Variants in DSCAM observed in about 807,000 individuals in gnomAD.
DSCAM encodes DS cell adhesion molecule.
DSCAM carries 47 observed loss-of-function variants against 217.7 expected under a neutral mutation model. The observed-to-expected ratio is 0.22, with a 90% confidence interval of 0.17 to 0.28. The LOEUF (loss-of-function observed/expected upper bound fraction) is 0.28, where lower values mean the gene tolerates loss of function less well. Ranked by LOEUF, DSCAM falls within the 10% of genes least tolerant of loss-of-function variation. The pLI is 1.00. For synonymous variants in DSCAM, 1,056 were observed against 1,015.3 expected (o/e 1.04, Z -0.76); for missense variants, 2,080 against 2,618.3 (o/e 0.79, Z 4.49).
At chr21:40,485,335 C>T (rs972362593) in intron 3 of DSCAM, among the ~76,000 whole-genome samples, 5 of 151,172 alleles carry the variant, frequency 3.3e-5, no homozygotes, top group Admixed American at 6.6e-5. Flanking sequence ...CTCCGCCTCC[C>T]AGGTTCACGC....
intron 1 of DSCAM, among the ~76,000 whole-genome samples, chr21:40,719,837 G>A (rs184515350): frequency 3.4e-4 from 52 of 152,302 alleles, no homozygotes; most frequent in Non-Finnish European, 5.1e-4. Context: ...TGGCATCCAA[G>A]GTGCAGGCTA....
At chr21:40,374,514 T>C (rs899772030) in intron 3 of DSCAM, among the ~76,000 whole-genome samples, 1 of 152,216 alleles carries the variant, frequency 6.6e-6, no homozygotes, top group East Asian at 1.9e-4. Context: ...TCTGAGCCAA[T>C]GTCACATGAC....
chr21:40,429,828 G>C (rs1267299461), intron 3 of DSCAM, among the ~76,000 whole-genome samples: 1 of 152,128 alleles, frequency 6.6e-6, no homozygotes, highest in African/African-American at 2.4e-5. Context: ...ACACTTTCTG[G>C]ATTTTTTCTA....
At position 40,467,502 on chromosome 21, in the gene DSCAM, G is replaced by C. The variant is rs192176112; in HGVS notation, c.509-98257C>G. 2.1e-3 allele frequency among the ~76,000 whole-genome samples: 321 copies of C among 152,272 alleles called. 3 individuals carry two copies. Among genetic ancestry groups the C allele is most frequent in the African/African-American group, 6.9e-3 (285 of 41,554 alleles). ...GCTTTCTAAAAGTACGTATTTAGAAGTATGAATGATGGCATAAAATTGACT... is the reference window on the plus strand; with the variant it reads ...GCTTTCTAAAAGTACGTATTTAGAACTATGAATGATGGCATAAAATTGACT... On this transcript the variant is annotated intron_variant, in intron 3 of 32. Coordinates refer to ENST00000400454, the MANE Select transcript of DSCAM (RefSeq NM_001389.5).
In DSCAM at chr21:40,322,817, G is replaced by T. The variant is rs192922458; in HGVS notation, c.1784-10458C>A. On this transcript the variant is annotated intron_variant, in intron 8 of 32. Coordinates refer to ENST00000400454, the MANE Select transcript of DSCAM (RefSeq NM_001389.5). ...TGGGATTACAGGCGTGAGCCACCACGCCCGGCCAGTGGGCGCAAATGAATG... is the reference window on the plus strand; with the variant it reads ...TGGGATTACAGGCGTGAGCCACCACTCCCGGCCAGTGGGCGCAAATGAATG... 2.0e-5 allele frequency among the ~76,000 whole-genome samples: 3 copies of T among 152,180 alleles called. No individual in the cohort carries two copies. The East Asian group carries it at 5.8e-4, about 30-fold the overall frequency.
chr21:40,168,721 C>T (rs141902419), intron 15 of DSCAM, among the ~76,000 whole-genome samples: 1 of 152,202 alleles, frequency 6.6e-6, no homozygotes, highest in African/African-American at 2.4e-5. Context: ...TGGGGAAGCG[C>T]ATGACTAAGG....
intron 11 of DSCAM, among the ~76,000 whole-genome samples, chr21:40,207,458 T>A (rs2091137994): frequency 6.6e-6 from 1 of 152,180 alleles, no homozygotes; most frequent in South Asian, 2.1e-4. Flanking sequence ...TGTGAGCAGA[T>A]CTTTTGACCC....
At chr21:40,452,088 C>T (rs2075724449) in intron 3 of DSCAM, among the ~76,000 whole-genome samples, 1 of 151,838 alleles carries the variant, frequency 6.6e-6, no homozygotes, top group Non-Finnish European at 1.5e-5. Flanking sequence ...CCATTATACA[C>T]AAAATCAAGA....
intron 21 of DSCAM, among the ~76,000 whole-genome samples, chr21:40,090,173 C>A (rs935958571): frequency 1.3e-5 from 2 of 152,250 alleles, no homozygotes; most frequent in East Asian, 1.9e-4. Context: ...TGGTCGTGGG[C>A]TCTTTCTTAT....
chr21:40,019,864 T>C (rs2088230242), intron 32 of DSCAM, among the ~76,000 whole-genome samples: 1 of 152,242 alleles, frequency 6.6e-6, no homozygotes, highest in African/African-American at 2.4e-5. Flanking sequence ...CCATACTCTA[T>C]GGTGTCACTT....
In DSCAM at chr21:40,167,398, A is replaced by G. The variant is rs563884077; in HGVS notation, c.2948-110T>C. ...GACAACCCATCCCTATGTTTGGCAC[A>G]GAGAAAGAAGTTTTTAGCGGTCATG... On this transcript the variant is annotated intron_variant, in intron 15 of 32. Coordinates refer to ENST00000400454, the MANE Select transcript of DSCAM (RefSeq NM_001389.5). The G allele has an allele frequency of 1.1e-5, 10 of 902,382 alleles. No homozygotes were observed. The East Asian group carries it at 2.5e-4, about 22-fold the overall frequency. The allele number at this position is 902,382 out of a possible 1,614,324, so 55.9% of individuals were successfully genotyped here. A position where few individuals can be genotyped will look rare whatever the true frequency, so the allele number is the denominator to read the frequency against.
intron 27 of DSCAM, among the ~76,000 whole-genome samples, chr21:40,072,563 T>G (rs557633151): frequency 5.3e-5 from 8 of 152,156 alleles, no homozygotes; most frequent in South Asian, 4.2e-4. Flanking sequence ...TTAGCCAGGA[T>G]GGTCTCGATC....
intron 8 of DSCAM, among the ~76,000 whole-genome samples, chr21:40,315,638 A>G (rs1162093438): frequency 1.3e-5 from 2 of 152,176 alleles, no homozygotes; most frequent in East Asian, 3.9e-4. Flanking sequence ...TATGGTATTT[A>G]AGGAATATTT....
At chr21:40,492,486 T>C (rs2076083599) in intron 3 of DSCAM, among the ~76,000 whole-genome samples, 1 of 152,016 alleles carries the variant, frequency 6.6e-6, no homozygotes, top group African/African-American at 2.4e-5. Context: ...GAGAAACAAT[T>C]CACTGAGATC....
At chr21:40,344,527 C>T (rs2074537120) in intron 6 of DSCAM, among the ~76,000 whole-genome samples, 1 of 152,084 alleles carries the variant, frequency 6.6e-6, no homozygotes, top group South Asian at 2.1e-4. Context: ...TTTTTTGCTA[C>T]AGAAGTCTGC....
chr21:40,436,264 T>C (rs2145905410), intron 3 of DSCAM, among the ~76,000 whole-genome samples: 1 of 152,308 alleles, frequency 6.6e-6, no homozygotes, highest in African/African-American at 2.4e-5. Context: ...CTAAAAATAG[T>C]TTTATAATTC....
intron 3 of DSCAM, among the ~76,000 whole-genome samples, chr21:40,408,158 G>A (rs1569108347): frequency 1.3e-5 from 2 of 151,924 alleles, no homozygotes; most frequent in Admixed American, 1.3e-4. Context: ...TGCCCAACAT[G>A]AAAACAAAGA....
chr21:40,456,599 C>T (rs947801567), intron 3 of DSCAM, among the ~76,000 whole-genome samples: 2 of 151,956 alleles, frequency 1.3e-5, no homozygotes, highest in African/African-American at 4.8e-5. Context: ...TGTATGCTAA[C>T]GTGTTCAAAG....
At chr21:40,458,366 G>A (rs369367179) in intron 3 of DSCAM, among the ~76,000 whole-genome samples, 1 of 152,024 alleles carries the variant, frequency 6.6e-6, no homozygotes, top group African/African-American at 2.4e-5. Context: ...ACCAGAGATC[G>A]AAGAACATTT....
Sources: gnomAD v4.1 joint callset for allele counts (sites outside exome capture counted in the v4.1 genomes callset) on GRCh38, gnomAD v4.1.1 for gene constraint, MANE v1.5 for transcripts, NCBI Gene and HGNC (gene_info 2026-07-23, HGNC 2026-07-21) for gene names.